The following CLSTN2 variants were observed in gnomAD, a reference collection of about 807,000 sequenced individuals.
CLSTN2 encodes the protein calsyntenin 2.
A neutral mutation model predicts 101.2 loss-of-function variants in CLSTN2; 48 were observed. The ratio of observed to expected loss-of-function variants is 0.47; its 90% CI spans 0.38 to 0.60. CLSTN2 has a LOEUF of 0.60. CLSTN2 is among the 20% of genes least tolerant of loss of function. The pLI is 0.00. For synonymous variants in CLSTN2, 481 were observed against 463.6 expected (o/e 1.04, Z -0.48); for missense variants, 1,160 against 1,238.2 (o/e 0.94, Z 0.95).
intron 1 of CLSTN2, among the ~76,000 whole-genome samples, chr3:139,952,053 GATGAA>G (rs1935304873): frequency 6.6e-6 from 1 of 152,144 alleles, no homozygotes; most frequent in Non-Finnish European, 1.5e-5. Flanking sequence ...GCAACTTTGA[GATGAA>G]AATGCATTTT....
At chr3:140,352,764 G>A (rs1483870242) in intron 2 of CLSTN2, among the ~76,000 whole-genome samples, 1 of 151,982 alleles carries the variant, frequency 6.6e-6, no homozygotes, top group Non-Finnish European at 1.5e-5. Context: ...AACTGTTGGG[G>A]CCTGTTATCT....
At chr3:139,974,292 T>C (rs1215591465) in intron 1 of CLSTN2, among the ~76,000 whole-genome samples, 1 of 152,202 alleles carries the variant, frequency 6.6e-6, no homozygotes. Context: ...ACTGGAGCCA[T>C]AGGGCAAGGA....
intron 2 of CLSTN2, among the ~76,000 whole-genome samples, chr3:140,227,688 G>A (rs1483459529): frequency 6.6e-6 from 1 of 152,118 alleles, no homozygotes; most frequent in Non-Finnish European, 1.5e-5. Context: ...ACTTCTGTCT[G>A]GGCATCCAGG....
chr3:140,014,745 G>T (rs535895835), intron 1 of CLSTN2, among the ~76,000 whole-genome samples: 1 of 152,300 alleles, frequency 6.6e-6, no homozygotes, highest in African/African-American at 2.4e-5. Context: ...AGCAGGGATG[G>T]GGTCAGAGAC....
chr3:140,529,916 T>C (rs1448549639), intron 8 of CLSTN2, among the ~76,000 whole-genome samples: 1 of 152,214 alleles, frequency 6.6e-6, no homozygotes, highest in Non-Finnish European at 1.5e-5. Flanking sequence ...TTTTTATTTA[T>C]TTTTTATTAC....
In CLSTN2 at chr3:140,571,498, A is replaced by T. The variant is rs1477580517; in HGVS notation, c.*5245A>T. 1.3e-5 allele frequency: 2 copies of T among 152,192 alleles called. No individual in the cohort carries two copies. The highest frequency in any genetic ancestry group is 4.8e-5 in the African/African-American group (2 of 41,450). 9.4% of individuals were successfully genotyped at this position (152,192 alleles called of 1,614,324 possible). A position where few individuals can be genotyped will look rare whatever the true frequency, so the allele number is the denominator to read the frequency against. The stretch of plus-strand genomic sequence containing the variant: ...AAGATAACGTTTAGGCCTCTGGGGG[A>T]TCCCCAAAGCCTTCTGCAATGTACT... On this transcript the variant is annotated 3_prime_UTR_variant, in exon 17 of 17. Coordinates refer to ENST00000458420, the MANE Select transcript of CLSTN2 (RefSeq NM_022131.3).
chr3:139,981,439 G>A (rs1935920679), intron 1 of CLSTN2, among the ~76,000 whole-genome samples: 1 of 152,176 alleles, frequency 6.6e-6, no homozygotes, highest in African/African-American at 2.4e-5. Flanking sequence ...CAGACCTCAT[G>A]TAATTTTTAT....
Position 140,097,891 on chromosome 3 carries a change from G to C in CLSTN2, c.110-78060G>C, listed in dbSNP as rs370518037. ...TTGATTACATTGGATGTGAGTTCTCGTATTTTTGTTCTCCATCTAAAATAC... is the reference window on the plus strand; with the variant it reads ...TTGATTACATTGGATGTGAGTTCTCCTATTTTTGTTCTCCATCTAAAATAC... On this transcript the variant is annotated intron_variant, in intron 1 of 16. Coordinates refer to ENST00000458420, the MANE Select transcript of CLSTN2 (RefSeq NM_022131.3). Among the ~76,000 whole-genome samples the C allele has an allele frequency of 2.6e-5, 4 of 152,240 alleles. No homozygotes were observed. In the East Asian group the frequency reaches 7.7e-4, roughly 29 times the overall value.
intron 2 of CLSTN2, among the ~76,000 whole-genome samples, chr3:140,236,824 AGTGTGT>A (rs548988567): frequency 2.4e-5 from 3 of 125,736 alleles, no homozygotes; most frequent in African/African-American, 9.1e-5. Context: ...TATGTTATAT[AGTGTGT>A]GTGTGTGTGT....
intron 2 of CLSTN2, among the ~76,000 whole-genome samples, chr3:140,363,411 G>T (rs1243505848): frequency 1.3e-5 from 2 of 152,210 alleles, no homozygotes; most frequent in African/African-American, 4.8e-5. Flanking sequence ...TTGGATTTTG[G>T]TGACAGTTAC....
chr3:140,024,559 G>A (rs938857631), intron 1 of CLSTN2, among the ~76,000 whole-genome samples: 21 of 152,186 alleles, frequency 1.4e-4, no homozygotes, highest in African/African-American at 5.1e-4. Context: ...TCAGCTAGTC[G>A]CAAACAACAC....
At chr3:140,278,536 T>C (rs2086815724) in intron 2 of CLSTN2, among the ~76,000 whole-genome samples, 1 of 152,166 alleles carries the variant, frequency 6.6e-6, no homozygotes, top group African/African-American at 2.4e-5. Flanking sequence ...CAAGGCTATG[T>C]CACCAGCAGA....
At chr3:140,556,476 A>C in intron 10 of CLSTN2, 37 bp from the exon 11 acceptor site, 1 of 1,611,196 alleles carries the variant, frequency 6.2e-7, no homozygotes, top group Non-Finnish European at 8.5e-7. Flanking sequence ...TACATCACTG[A>C]CCATTCTCTT....
intron 2 of CLSTN2, among the ~76,000 whole-genome samples, chr3:140,307,982 A>G (rs1437743715): frequency 1.3e-5 from 2 of 152,214 alleles, no homozygotes; most frequent in Non-Finnish European, 2.9e-5. Flanking sequence ...CCTTACAGGC[A>G]CAACAGTCGG....
intron 2 of CLSTN2, among the ~76,000 whole-genome samples, chr3:140,346,731 G>A (rs572525361): frequency 6.6e-6 from 1 of 152,292 alleles, no homozygotes; most frequent in Admixed American, 6.5e-5. Flanking sequence ...AGTGACTCAT[G>A]CATCTCATGG....
intron 1 of CLSTN2, among the ~76,000 whole-genome samples, chr3:139,971,969 A>G (rs1218097157): frequency 6.6e-6 from 1 of 152,072 alleles, no homozygotes; most frequent in African/African-American, 2.4e-5. Context: ...GGCTCCTTAA[A>G]AGAACAAGTT....
In CLSTN2 at chr3:140,056,991, A is replaced by G. The variant is rs1576412173; in HGVS notation, c.110-118960A>G. On this transcript the variant is annotated intron_variant, in intron 1 of 16. Transcript: ENST00000458420. ...TTGCTAGAGTTTTCTGCCTCATGCC[A>G]GAGCCTCCTCCTGCACAGGGATTTC... 5.9e-5 allele frequency among the ~76,000 whole-genome samples: 9 copies of G among 152,292 alleles called. 1 individual carries two copies. The South Asian group carries it at 1.9e-3, about 32-fold the overall frequency.
intron 1 of CLSTN2, among the ~76,000 whole-genome samples, chr3:140,123,166 C>G (rs73868728): frequency 6.6e-5 from 4 of 60,316 alleles, no homozygotes; most frequent in Non-Finnish European, 1.1e-4. Flanking sequence ...TCCTCCAGGG[C>G]GGGGGGGTGG....
intron 2 of CLSTN2, among the ~76,000 whole-genome samples, chr3:140,200,797 C>T (rs2010708900): frequency 6.6e-6 from 1 of 152,042 alleles, no homozygotes. Context: ...TCTTGGACAC[C>T]TCCCCTCCCC....
Sources: allele counts gnomAD v4.1 joint callset (sites outside exome capture counted in the v4.1 genomes callset), GRCh38; gene constraint gnomAD v4.1.1; transcripts MANE v1.5; gene names NCBI Gene and HGNC (gene_info 2026-07-23, HGNC 2026-07-21).